ROPN1B: variants seen among roughly 807,000 people sequenced by gnomAD.
ROPN1B encodes the protein ropporin-1B.
ROPN1B carries 13 observed loss-of-function variants against 23.7 expected under a neutral mutation model. The observed-to-expected ratio is 0.55, with a 90% CI of 0.36 to 0.87. The LOEUF (loss-of-function observed/expected upper bound fraction) is 0.87. Ranked by LOEUF, ROPN1B falls within the 40% of genes least tolerant of loss-of-function variation. The pLI is 0.01. For missense variants in ROPN1B, 183 were observed against 249.2 expected (o/e 0.73, Z 1.79); for synonymous variants, 67 against 100.4 (o/e 0.67, Z 1.99).
In ROPN1B at chr3:125,982,791, A is replaced by G. The variant is rs564677165; in HGVS notation, c.572+346A>G. ...TTTATAAGCCCCTCCAGTAACTCTG[A>G]CTCATGCTTAGCTATGACCAGTGGA... On this transcript the variant is annotated intron_variant, in intron 6 of 6. Transcript: ENST00000514116. 2.0e-5 allele frequency among the ~76,000 whole-genome samples: 3 copies of G among 152,218 alleles called. No individual in the cohort carries two copies. The East Asian group carries it at 5.8e-4, about 29-fold the overall frequency.
At chr3:125,979,181 T>G (rs567008553) in intron 5 of ROPN1B, among the ~76,000 whole-genome samples, 1 of 152,136 alleles carries the variant, frequency 6.6e-6, no homozygotes, top group Admixed American at 6.5e-5. Flanking sequence ...ATCATCCCCA[T>G]GTCAAAGAAC....
rs780625374 is a variant in ROPN1B, at chr3:125,972,175, G to A, written c.116+5G>A. 3 of 1,614,050 alleles carry A rather than the reference G, an allele frequency of 1.9e-6. No homozygotes were observed. Among genetic ancestry groups the A allele is most frequent in the South Asian group, 2.2e-5 (2 of 91,074 alleles). On this transcript the variant is annotated splice_donor_5th_base_variant and intron_variant, in intron 3 of 6. Coordinates refer to ENST00000514116, the MANE Select transcript of ROPN1B (RefSeq NM_001308313.2). ...CCTCATCCAGTGGGGGGCCGAGTAC[G>A]TGCTCCTTTCTCGCCTTCATCTCTT...
At chr3:125,975,849 A>C (rs1938391538) in intron 4 of ROPN1B, among the ~76,000 whole-genome samples, 169 bp downstream of exon 4, 1 of 152,158 alleles carries the variant, frequency 6.6e-6, no homozygotes, top group Non-Finnish European at 1.5e-5. Context: ...AAATGGGAAT[A>C]ATTTTGAAAT....
chr3:125,976,118 G>A (rs990569948), intron 4 of ROPN1B, among the ~76,000 whole-genome samples: 8 of 152,188 alleles, frequency 5.3e-5, no homozygotes, highest in Non-Finnish European at 8.8e-5. Flanking sequence ...CCTCTTCATA[G>A]CCACATCATC....
intron 3 of ROPN1B, 93 bp downstream of exon 3, chr3:125,972,263 G>C: frequency 8.6e-7 from 1 of 1,167,030 alleles, no homozygotes; most frequent in East Asian, 2.4e-5. Context: ...TGCAGCCAGG[G>C]GGTCGGGACT....
At chr3:125,979,292 T>G (rs1297532044) in intron 5 of ROPN1B, among the ~76,000 whole-genome samples, 1 of 152,192 alleles carries the variant, frequency 6.6e-6, no homozygotes, top group Non-Finnish European at 1.5e-5. Flanking sequence ...CATGCTGGAC[T>G]GTTTCTGGGA....
intron 5 of ROPN1B, among the ~76,000 whole-genome samples, chr3:125,979,430 G>C (rs945447109): frequency 5.9e-5 from 9 of 152,240 alleles, no homozygotes; most frequent in Admixed American, 3.9e-4. Context: ...ATTAGGTCAT[G>C]AGGGTGGAGC....
chr3:125,980,995 G>A (rs971697998), intron 5 of ROPN1B, among the ~76,000 whole-genome samples: 9 of 152,150 alleles, frequency 5.9e-5, no homozygotes, highest in African/African-American at 1.4e-4. Context: ...CCCAGGGACA[G>A]AGGAGAGGAA....
intron 1 of ROPN1B, among the ~76,000 whole-genome samples, chr3:125,969,801 C>T (rs1323497580): frequency 6.6e-6 from 1 of 152,308 alleles, no homozygotes; most frequent in African/African-American, 2.4e-5. Flanking sequence ...TCATAGACTC[C>T]TATCACACAT....
intron 2 of ROPN1B, among the ~76,000 whole-genome samples, chr3:125,971,564 T>C (rs749605180): frequency 8.5e-5 from 13 of 152,244 alleles, no homozygotes; most frequent in Non-Finnish European, 7.3e-5. Flanking sequence ...TATTTTTATA[T>C]GGAAATAACC....
chr3:125,978,288 T>A (rs946870970), intron 5 of ROPN1B, among the ~76,000 whole-genome samples: 1 of 152,200 alleles, frequency 6.6e-6, no homozygotes, highest in Non-Finnish European at 1.5e-5. Flanking sequence ...TTTATTAAAT[T>A]TTCATAGGTT....
chr3:125,977,667 T>C (rs1483025116), intron 5 of ROPN1B: 6 of 189,114 alleles, frequency 3.2e-5, no homozygotes, highest in Non-Finnish European at 5.6e-5. Context: ...GACATCTCCA[T>C]GGATACAGGA....
chr3:125,976,827 C>T (rs1412476738), intron 4 of ROPN1B, 177 bp from the exon 5 acceptor site: 1 of 841,112 alleles, frequency 1.2e-6, no homozygotes, highest in African/African-American at 1.6e-5. Flanking sequence ...GCATGCTCTT[C>T]ACTAGGATTT....
intron 2 of ROPN1B, among the ~76,000 whole-genome samples, chr3:125,971,517 A>G (rs1198647958): frequency 1.3e-5 from 2 of 152,254 alleles, no homozygotes; most frequent in Non-Finnish European, 2.9e-5. Context: ...ACATGCAGCT[A>G]TAAACAGAGA....
In ROPN1B at chr3:125,973,151, C is replaced by T. The variant is rs371880855; in HGVS notation, c.116+981C>T. On this transcript the variant is annotated intron_variant, in intron 3 of 6. Coordinates refer to ENST00000514116, the MANE Select transcript of ROPN1B (RefSeq NM_001308313.2). Reference sequence around the variant, plus strand: ...GTGGGAAAGTGAGAGTGAGAGAGGCCGTTGAGAGAAAGCCAGTGAGTTGGG... The same window carrying T: ...GTGGGAAAGTGAGAGTGAGAGAGGCTGTTGAGAGAAAGCCAGTGAGTTGGG... 5.0e-5 allele frequency: 17 copies of T among 340,556 alleles called. No individual in the cohort carries two copies. In the East Asian group the frequency reaches 8.1e-4, roughly 16 times the overall value. 21.1% of individuals were successfully genotyped at this position (340,556 alleles called of 1,614,324 possible). A position where few individuals can be genotyped will look rare whatever the true frequency, so the allele number is the denominator to read the frequency against.
chr3:125,977,757 AT>A (rs1165253019), intron 5 of ROPN1B: 4 of 162,218 alleles, frequency 2.5e-5, no homozygotes, highest in African/African-American at 9.6e-5. Flanking sequence ...GAAGCCAAAG[AT>A]GTTGAAATCA....
intron 3 of ROPN1B, chr3:125,972,485 C>G: frequency 2.1e-6 from 1 of 484,204 alleles, no homozygotes; most frequent in Non-Finnish European, 3.6e-6. Context: ...CTCCTCCCTG[C>G]ACGCCTTTTC....
chr3:125,980,478 A>C (rs1938574924), intron 5 of ROPN1B, among the ~76,000 whole-genome samples: 1 of 152,176 alleles, frequency 6.6e-6, no homozygotes, highest in South Asian at 2.1e-4. Context: ...TCCTTGGCTT[A>C]AAAATGGCCA....
rs2107602266 is a variant in ROPN1B at position 125,975,435 on chromosome 3, AT to A, written c.117-127del. ...GTAAGTGAACTAAACACAATGACAC[AT>A]AGAAGCCACTTTACAAAGGTTCCTT... On this transcript the variant is annotated intron_variant, in intron 3 of 6. Transcript: ENST00000514116. The A allele has an allele frequency of 6.8e-6, 6 of 887,850 alleles. No homozygotes were observed. The East Asian group carries it at 1.5e-4, about 22-fold the overall frequency. 55.0% of individuals were successfully genotyped at this position (887,850 alleles called of 1,614,324 possible).
Sources: gnomAD v4.1 joint callset for allele counts (sites outside exome capture counted in the v4.1 genomes callset) on GRCh38, gnomAD v4.1.1 for gene constraint, MANE v1.5 for transcripts, NCBI Gene and HGNC (gene_info 2026-07-23, HGNC 2026-07-21) for gene names.